ACSL5: variants seen among roughly 807,000 people sequenced by gnomAD.
The protein encoded by ACSL5 is acyl-CoA synthetase long chain family member 5.
ACSL5 carries 50 observed loss-of-function variants against 84.9 expected under a neutral mutation model. The ratio of observed to expected loss-of-function variants is 0.59; its 90% CI spans 0.47 to 0.75. ACSL5 has a LOEUF of 0.75. Among genes scored for constraint, ACSL5 ranks in the 30% least tolerant of loss-of-function variants. The pLI is 0.00. For synonymous variants in ACSL5, 280 were observed against 300.7 expected, an observed-to-expected ratio of 0.93 and a Z score of 0.71; for missense variants, 775 against 830.4, an observed-to-expected ratio of 0.93 and a Z score of 0.82.
chr10:112,408,475 G>A lies in ACSL5; in HGVS notation c.486G>A (p.Leu162=). The A allele has an allele frequency of 6.2e-7, 1 of 1,613,782 alleles. No individual in the cohort carries two copies. Among genetic ancestry groups the A allele is most frequent in the Non-Finnish European group, 8.5e-7 (1 of 1,179,746 alleles). Residue 162 remains leucine (L), a synonymous_variant, in exon 6 of 21, where the codon CTG becomes CTA. Transcript: ENST00000354655. ...CYTYSMVAVP[L]YDTLGPEAIV... is the part of the protein sequence containing the mutation. The stretch of plus-strand genomic sequence containing the variant: ...CGTACTCTATGGTAGCTGTACCTCT[G>A]TATGACACCTTGGGACCAGAAGCCA...
intron 7 of ACSL5, 53 bp downstream of exon 7, chr10:112,409,738 C>T: frequency 1.3e-6 from 2 of 1,574,788 alleles, no homozygotes; most frequent in South Asian, 2.3e-5. Flanking sequence ...ACACCTTGGG[C>T]AACTTGCAAG....
Position 112,413,202 on chromosome 10 carries a change from T to G in ACSL5, c.978T>G (p.Val326=). Reference sequence around the variant, plus strand: ...TTGTGTACAGCTGTGGAGCCAGAGTTGGATTCTTCCAAGGGGATATTCGGT... The same window carrying G: ...TTGTGTACAGCTGTGGAGCCAGAGTGGGATTCTTCCAAGGGGATATTCGGT... ...QAVVYSCGAR[V]GFFQGDIRLL... is the part of the protein sequence containing the mutation. Residue 326 remains valine (V), a synonymous_variant, in exon 12 of 21, where the codon GTT becomes GTG. Transcript: ENST00000354655. The G allele has an allele frequency of 6.2e-7, 1 of 1,614,194 alleles. No individual in the cohort carries two copies. The highest frequency in any genetic ancestry group is 8.5e-7 in the Non-Finnish European group (1 of 1,180,018).
At chr10:112,403,350 C>T (rs1159455995) in intron 3 of ACSL5, among the ~76,000 whole-genome samples, 2 of 152,204 alleles carry the variant, frequency 1.3e-5, no homozygotes, top group African/African-American at 4.8e-5. Context: ...TGCAATGGCA[C>T]GATCTCAACT....
intron 7 of ACSL5, 36 bp downstream of exon 7, chr10:112,409,721 T>C (rs369129552): frequency 6.2e-7 from 1 of 1,605,998 alleles, no homozygotes; most frequent in African/African-American, 1.3e-5. Context: ...GCTCCAATGC[T>C]TGTCCAACAC....
chr10:112,385,264 C>G (rs1413438034), intron 1 of ACSL5, among the ~76,000 whole-genome samples: 1 of 152,154 alleles, frequency 6.6e-6, no homozygotes, highest in Non-Finnish European at 1.5e-5. Context: ...TTATCTGCCC[C>G]AGGTCACAAA....
rs568340256 is a variant in ACSL5, at chr10:112,398,731, G to A, written c.157-170G>A. 9.9e-5 allele frequency among the ~76,000 whole-genome samples: 15 copies of A among 152,244 alleles called. No homozygotes were observed. The South Asian group carries it at 2.5e-3, about 25-fold the overall frequency. On this transcript the variant is annotated intron_variant, in intron 2 of 20. Transcript: ENST00000354655. ...CTTTCCTATTTTCTAAAATGTCTAC[G>A]ATGTAAACATACTATGATTTGGGGA...
At chr10:112,394,716 G>A in intron 1 of ACSL5, 3 of 983,114 alleles carry the variant, frequency 3.1e-6, no homozygotes, top group Non-Finnish European at 3.6e-6. Flanking sequence ...TGGAGAATGT[G>A]TTCTATTATT....
intron 17 of ACSL5, 61 bp from the exon 18 acceptor site, chr10:112,425,277 C>T (rs1844623385): frequency 6.9e-7 from 1 of 1,445,604 alleles, no homozygotes. Flanking sequence ...CTTCACCACT[C>T]TCCCCACTGA....
At chr10:112,376,014 T>C (rs1849231588) in intron 1 of ACSL5, among the ~76,000 whole-genome samples, 1 of 152,148 alleles carries the variant, frequency 6.6e-6, no homozygotes, top group Non-Finnish European at 1.5e-5. Context: ...AGTTTGTTTG[T>C]TTTCATCTTA....
intron 1 of ACSL5, chr10:112,376,583 A>C: frequency 3.2e-6 from 4 of 1,241,852 alleles, no homozygotes; most frequent in Non-Finnish European, 4.5e-6. Context: ...CCACGGGCAC[A>C]TCATGCTGTC....
At chr10:112,417,538 ACTCT>A in intron 13 of ACSL5, among the ~76,000 whole-genome samples, 1 of 151,666 alleles carries the variant, frequency 6.6e-6, no homozygotes, top group East Asian at 1.9e-4. Context: ...AGGTTCTAGC[ACTCT>A]CTCTTATTTT....
chr10:112,390,943 C>T (rs944034508), intron 1 of ACSL5, among the ~76,000 whole-genome samples: 7 of 152,216 alleles, frequency 4.6e-5, no homozygotes, highest in East Asian at 1.9e-4. Flanking sequence ...TTCAGGGTTT[C>T]GTATTTTATG....
chr10:112,377,492 C>T (rs1251387680), intron 1 of ACSL5, among the ~76,000 whole-genome samples: 2 of 152,184 alleles, frequency 1.3e-5, no homozygotes, highest in African/African-American at 4.8e-5. Flanking sequence ...CGAGATGGCA[C>T]CACTGCACTC....
Position 112,398,962 on chromosome 10 carries a change from A to T in ACSL5, c.218A>T (p.Asp73Val). 7 of 1,614,120 alleles carry T rather than the reference A, an allele frequency of 4.3e-6. No homozygotes were observed. The highest frequency in any genetic ancestry group is 5.9e-6 in the Non-Finnish European group (7 of 1,180,002). Residue 73 changes from aspartate to valine, a missense_variant, in exon 3 of 21, where the codon GAT becomes GTT. By Grantham distance (152) the Asp-to-Val change is radical. Transcript: ENST00000354655. Reference sequence around the variant, plus strand: ...GACCTAACAAGTTGCTGCTTCTCAGATGCCAAGACTATGTATGAGGTTTTC... The same window carrying T: ...GACCTAACAAGTTGCTGCTTCTCAGTTGCCAAGACTATGTATGAGGTTTTC... Reference protein sequence around the residue: ...NNDLTSCCFSDAKTMYEVFQR... With the variant: ...NNDLTSCCFSVAKTMYEVFQR...
At chr10:112,408,223 T>G (rs1259834776) in intron 5 of ACSL5, among the ~76,000 whole-genome samples, 199 bp from the exon 6 acceptor site, 2 of 150,044 alleles carry the variant, frequency 1.3e-5, no homozygotes, top group African/African-American at 4.9e-5. Flanking sequence ...TGCTTGATCC[T>G]GGAAGGTTGA....
At chr10:112,384,652 C>T (rs1849414988) in intron 1 of ACSL5, among the ~76,000 whole-genome samples, 1 of 152,096 alleles carries the variant, frequency 6.6e-6, no homozygotes, top group Non-Finnish European at 1.5e-5. Context: ...GGACTACCGG[C>T]ATGCACCGCC....
intron 11 of ACSL5, 37 bp downstream of exon 11, chr10:112,412,016 G>T (rs1314980052): frequency 2.6e-6 from 4 of 1,551,646 alleles, no homozygotes; most frequent in Non-Finnish European, 3.6e-6. Flanking sequence ...TGTGGCAAGG[G>T]GGTCCTGACT....
chr10:112,421,776 T>C (rs1298343887), intron 15 of ACSL5, 111 bp downstream of exon 15: 15 of 1,364,162 alleles, frequency 1.1e-5, no homozygotes, highest in Non-Finnish European at 1.5e-5. Context: ...ATGTGGCAAA[T>C]GCAAAATTCA....
Position 112,416,952 on chromosome 10 carries a change from T to A in ACSL5, c.1148T>A (p.Phe383Tyr), listed in dbSNP as rs939300653. ...FLLKLAVSSK[F>Y]KELQKGIIRH... The stretch of plus-strand genomic sequence containing the variant: ...TTGAAGCTGGCTGTTTCCAGTAAAT[T>A]CAAAGAGCTTCAAAAGGGTATCATC... Residue 383 changes from phenylalanine (F) to tyrosine (Y), a missense_variant, in exon 13 of 21, where the codon TTC becomes TAC. Transcript: ENST00000354655. 6.2e-7 allele frequency: 1 copy of A among 1,613,900 alleles called. No individual in the cohort carries two copies.
Sources: gnomAD v4.1 joint callset for allele counts (sites outside exome capture counted in the v4.1 genomes callset) on GRCh38, gnomAD v4.1.1 for gene constraint, MANE v1.5 for transcripts, NCBI Gene and HGNC (gene_info 2026-07-23, HGNC 2026-07-21) for gene names.